HTR1E: variants seen among roughly 807,000 people sequenced by gnomAD.
HTR1E encodes 5-hydroxytryptamine receptor 1E.
Under a neutral mutation model 3.4 loss-of-function variants are expected in HTR1E, and 3 were observed. The ratio of observed to expected loss-of-function variants is 0.89; its 90% CI spans 0.41 to 2.31. The LOEUF is 2.31. Among genes scored for constraint, HTR1E ranks in the 30% most tolerant of loss-of-function variants. HTR1E has a pLI of 0.05. For missense variants in HTR1E, 392 were observed against 467.0 expected (o/e 0.84, Z 1.48); for synonymous variants, 170 against 182.8 (o/e 0.93, Z 0.56).
In HTR1E at chr6:87,014,564, C is replaced by T. The variant is rs184286003; in HGVS notation, c.-185-586C>T. 5.3e-5 allele frequency among the ~76,000 whole-genome samples: 8 copies of T among 152,230 alleles called. No individual in the cohort carries two copies. In the East Asian group the frequency reaches 1.5e-3, roughly 29 times the overall value. ...AAGACTTGGAACCAACCCAAATGCC[C>T]ATCAGTGATAGACTGGATAAAGAAA... On this transcript the variant is annotated intron_variant, in intron 1 of 1. Transcript: ENST00000305344.
chr6:86,999,023 G>T (rs982608601), intron 1 of HTR1E, among the ~76,000 whole-genome samples: 9 of 152,180 alleles, frequency 5.9e-5, no homozygotes, highest in African/African-American at 2.2e-4. Context: ...GCAGTAGCGT[G>T]ATCTCAGCTC....
At chr6:86,981,988 G>A (rs1392954013) in intron 1 of HTR1E, among the ~76,000 whole-genome samples, 20 of 148,076 alleles carry the variant, frequency 1.4e-4, no homozygotes, top group Admixed American at 1.2e-3. Flanking sequence ...CTTGAGTGAT[G>A]TATCTGAACC....
intron 1 of HTR1E, chr6:86,971,013 T>C (rs1582266212): frequency 2.1e-6 from 1 of 466,970 alleles, no homozygotes; most frequent in Non-Finnish European, 4.2e-6. Context: ...GCTTGGAGGA[T>C]CTGATTCATG....
intron 1 of HTR1E, among the ~76,000 whole-genome samples, chr6:87,009,834 TGACCCCCCCCCA>T (rs1768178194): frequency 1.2e-5 from 1 of 83,666 alleles, no homozygotes; most frequent in African/African-American, 5.8e-5. Flanking sequence ...GCGGGGGGAC[TGACCCCCCCCCA>T]CCTCCCTCCC....
In HTR1E at chr6:87,016,338, T is replaced by G. The variant is rs1461738100; in HGVS notation, c.1004T>G (p.Val335Gly). 6 of 1,614,208 alleles carry G rather than the reference T, an allele frequency of 3.7e-6. 1 individual carries two copies. In the South Asian group the frequency reaches 6.6e-5, roughly 18 times the overall value. Residue 335 changes from valine (V) to glycine (G), a missense_variant, in exon 2 of 2, where the codon GTG becomes GGG. By Grantham distance (109) the Val-to-Gly change is moderately radical. Coordinates refer to ENST00000305344, the MANE Select transcript of HTR1E (RefSeq NM_000865.3). ...VADFLTWLGY[V>G]NSLINPLLYT... ...GACTTTCTGACGTGGCTCGGTTATG[T>G]GAATTCTCTGATCAACCCTCTGCTC... is the stretch of plus-strand genomic sequence containing the variant.
chr6:86,966,922 A>C (rs530779583), intron 1 of HTR1E, among the ~76,000 whole-genome samples: 31 of 152,330 alleles, frequency 2.0e-4, no homozygotes, highest in African/African-American at 1.7e-4. Context: ...TTTATTGAAC[A>C]GATATAATTC....
At chr6:87,008,658 T>C (rs1466243396) in intron 1 of HTR1E, among the ~76,000 whole-genome samples, 3 of 152,212 alleles carry the variant, frequency 2.0e-5, no homozygotes, top group Non-Finnish European at 4.4e-5. Context: ...AGGTCCTTCA[T>C]AATTAGGTTC....
At chr6:86,950,085 T>C (rs1293821432) in intron 1 of HTR1E, among the ~76,000 whole-genome samples, 4 of 152,204 alleles carry the variant, frequency 2.6e-5, no homozygotes, top group Non-Finnish European at 4.4e-5. Context: ...AATACCTGAA[T>C]GCAGAGTGAA....
intron 1 of HTR1E, among the ~76,000 whole-genome samples, chr6:86,964,917 G>C (rs1767454245): frequency 6.6e-6 from 1 of 152,062 alleles, no homozygotes; most frequent in Admixed American, 6.6e-5. Context: ...AAAGAAAAAG[G>C]AACATATTTA....
intron 1 of HTR1E, among the ~76,000 whole-genome samples, chr6:87,010,341 C>G (rs1473568017): frequency 3.7e-5 from 4 of 107,928 alleles, no homozygotes; most frequent in African/African-American, 1.1e-4. Context: ...CCCTCCCGGA[C>G]GGGGCGGCTG....
At chr6:86,965,133 G>A (rs2875512) in intron 1 of HTR1E, among the ~76,000 whole-genome samples, 7,606 of 152,166 alleles carry the variant, frequency 0.05, 208 homozygotes, top group Middle Eastern at 0.071. Context: ...TCAGCATCCC[G>A]GGGCTTTCCA....
At chr6:87,000,805 T>C (rs1768010865) in intron 1 of HTR1E, among the ~76,000 whole-genome samples, 1 of 152,212 alleles carries the variant, frequency 6.6e-6, no homozygotes. Flanking sequence ...ATCATCTGAA[T>C]GTACAAAATG....
At chr6:87,004,576 G>A (rs1768075229) in intron 1 of HTR1E, among the ~76,000 whole-genome samples, 1 of 151,920 alleles carries the variant, frequency 6.6e-6, no homozygotes, top group Admixed American at 6.6e-5. Context: ...AAAAAAAATG[G>A]GTATAGAAGT....
chr6:86,976,570 C>T (rs2127824337), intron 1 of HTR1E, among the ~76,000 whole-genome samples: 1 of 152,282 alleles, frequency 6.6e-6, no homozygotes, highest in Admixed American at 6.5e-5. Context: ...ATCAACATCT[C>T]CAAGATGGTG....
intron 1 of HTR1E, among the ~76,000 whole-genome samples, chr6:87,013,517 G>A (rs1383009739): frequency 6.6e-6 from 1 of 152,106 alleles, no homozygotes; most frequent in Admixed American, 6.5e-5. Context: ...CCAAAGTGCT[G>A]GGATTACAGG....
chr6:86,946,652 A>G (rs1389996602), intron 1 of HTR1E, among the ~76,000 whole-genome samples: 1 of 152,234 alleles, frequency 6.6e-6, no homozygotes, highest in Non-Finnish European at 1.5e-5. Flanking sequence ...GGACAACTGA[A>G]GTAACTAGAT....
chr6:86,995,688 GAAA>G (rs58476122), intron 1 of HTR1E, among the ~76,000 whole-genome samples: 1 of 55,206 alleles, frequency 1.8e-5, no homozygotes, highest in African/African-American at 5.2e-5. Flanking sequence ...AAAAAAAAAA[GAAA>G]AAAAAAAAAA....
intron 1 of HTR1E, among the ~76,000 whole-genome samples, chr6:86,951,079 A>T (rs570977763): frequency 3.1e-4 from 47 of 152,264 alleles, no homozygotes; most frequent in African/African-American, 9.1e-4. Context: ...GATTTTGATA[A>T]TATTATTGAC....
intron 1 of HTR1E, chr6:87,000,299 G>A (rs865965836): frequency 6.6e-6 from 1 of 151,876 alleles, no homozygotes; most frequent in Non-Finnish European, 1.5e-5. Context: ...CTGAAAAAGG[G>A]GTCAATTCAG....
Sources: gnomAD v4.1 joint callset for allele counts (sites outside exome capture counted in the v4.1 genomes callset) on GRCh38, gnomAD v4.1.1 for gene constraint, MANE v1.5 for transcripts, NCBI Gene and HGNC (gene_info 2026-07-23, HGNC 2026-07-21) for gene names.